The following EHD2 variants were observed in gnomAD, a reference collection of about 807,000 sequenced individuals.
EHD2 encodes EH domain containing 2, also known as EH domain-containing protein 2.
EHD2 carries 27 observed loss-of-function variants against 41.0 expected under a neutral mutation model. The observed-to-expected ratio is 0.66, with a 90% CI of 0.49 to 0.91. EHD2 has a LOEUF of 0.91. Ranked by LOEUF, EHD2 falls within the 40% of genes least tolerant of loss-of-function variation. The probability of loss-of-function intolerance (pLI) is 0.00; values close to 1 mark genes in which losing one functional copy is unlikely to be tolerated. For synonymous variants in EHD2, 342 were observed against 341.0 expected (o/e 1.00, Z -0.03); for missense variants, 673 against 773.9 (o/e 0.87, Z 1.55).
chr19:47,728,931 T>C (rs1288495111), intron 4 of EHD2, among the ~76,000 whole-genome samples: 1 of 152,240 alleles, frequency 6.6e-6, no homozygotes. Flanking sequence ...GAATTGGTGC[T>C]CTGTAAATAT....
rs1302476446 is a variant in EHD2, at chr19:47,719,356, A to T, written c.502+750A>T. ...GTCTGGGCCACAGATGGGGCCGAGA[A>T]GGGGATGGGAAGGGAATCTGGGTGG... is the stretch of plus-strand genomic sequence containing the variant. On this transcript the variant is annotated intron_variant, in intron 3 of 5. Coordinates refer to ENST00000263277, the MANE Select transcript of EHD2 (RefSeq NM_014601.4). The surrounding 1 kb of genome is among the most constrained non-coding windows in gnomAD (Gnocchi z 4.1). 1.3e-5 allele frequency among the ~76,000 whole-genome samples: 2 copies of T among 151,612 alleles called. No homozygotes were observed. The highest frequency in any genetic ancestry group is 4.8e-5 in the African/African-American group (2 of 41,338).
At chr19:47,735,613 A>T (rs1474766729) in intron 4 of EHD2, among the ~76,000 whole-genome samples, 1 of 151,738 alleles carries the variant, frequency 6.6e-6, no homozygotes, top group Non-Finnish European at 1.5e-5. Flanking sequence ...AAAAAAGAAA[A>T]AAAAGCAGGC....
chr19:47,720,928 G>A (rs1332476091), intron 3 of EHD2, among the ~76,000 whole-genome samples: 4 of 151,944 alleles, frequency 2.6e-5, no homozygotes, highest in African/African-American at 9.7e-5. Flanking sequence ...GGATTTGGGA[G>A]GGCATGGGAG....
At position 47,718,398 on chromosome 19, in the gene EHD2, G is replaced by A. The variant is rs182532905; in HGVS notation, c.405-111G>A. The stretch of plus-strand genomic sequence containing the variant: ...CTTTTTCTGTCCGGTGTCTTTCTTC[G>A]CCCATAAAGGATGCTTTGCCATGCG... On this transcript the variant is annotated intron_variant, in intron 2 of 5. Coordinates refer to ENST00000263277, the MANE Select transcript of EHD2 (RefSeq NM_014601.4). 1.9e-4 allele frequency: 160 copies of A among 855,616 alleles called. 1 individual carries two copies. In the African/African-American group the frequency reaches 2.6e-3, roughly 14 times the overall value. 53.0% of individuals were successfully genotyped at this position (855,616 alleles called of 1,614,324 possible).
At position 47,725,922 on chromosome 19, in the gene EHD2, G is replaced by C. The variant is rs763394764; in HGVS notation, c.613G>C (p.Gly205Arg). 48 of 1,613,792 alleles carry C rather than the reference G, an allele frequency of 3.0e-5. No homozygotes were observed. Among genetic ancestry groups the C allele is most frequent in the Non-Finnish European group, 3.7e-5 (44 of 1,179,876 alleles). The change falls in exon 4 of 6, where the codon GGC (glycine) becomes CGC (arginine). Residue 205 changes from glycine to arginine, a missense_variant. By Grantham distance (125) the Gly-to-Arg change is moderately radical. Transcript: ENST00000263277. ...EISDEFSEAI[G>R]ALRGHEDKIR... ...CTCGGACGAGTTCTCAGAGGCCATC[G>C]GCGCGTTGCGGGGCCATGAGGACAA...
At position 47,725,759 on chromosome 19, in the gene EHD2, G is replaced by T. The variant is rs577413598; in HGVS notation, c.503-53G>T. On this transcript the variant is annotated intron_variant, in intron 3 of 5. Transcript: ENST00000263277. ...GGATACTACTGAGAATGGCTGGAGG[G>T]TGGGGGTCTGATTTCTGCCCCTTGC... 223 of 1,534,144 alleles carry T rather than the reference G, an allele frequency of 1.5e-4. No individual in the cohort carries two copies. In the African/African-American group the frequency reaches 2.4e-3, roughly 17 times the overall value.
In EHD2 at chr19:47,741,452, C is replaced by T; in HGVS notation, c.*20C>T. The T allele has an allele frequency of 1.9e-6, 3 of 1,551,490 alleles. No homozygotes were observed. The highest frequency in any genetic ancestry group is 2.4e-5 in the East Asian group (1 of 42,044). On this transcript the variant is annotated 3_prime_UTR_variant, in exon 6 of 6. Coordinates refer to ENST00000263277, the MANE Select transcript of EHD2 (RefSeq NM_014601.4). This position sits in a 1 kb window ranked among gnomAD's most constrained non-coding sequence, Gnocchi z 4.5. ...GAGTGAGCCGGCCCCCCTCCCATGG[C>T]CCTGCTGTGGCTCCCCAGCTCCAGT...
At chr19:47,738,060 T>A (rs1479727975) in intron 5 of EHD2, among the ~76,000 whole-genome samples, 1 of 151,100 alleles carries the variant, frequency 6.6e-6, no homozygotes, top group Admixed American at 6.6e-5. Context: ...TTTCATACTT[T>A]TAGTAGAGAT....
Position 47,740,986 on chromosome 19 carries a change from C to T in EHD2, c.1186C>T (p.Leu396=). The T allele has an allele frequency of 1.2e-6, 2 of 1,611,958 alleles. No homozygotes were observed. Among genetic ancestry groups the T allele is most frequent in the Admixed American group, 1.7e-5 (1 of 59,910 alleles). Residue 396 remains leucine (L), a synonymous_variant, in exon 6 of 6, where the codon CTG becomes TTG. Transcript: ENST00000263277. ...GCACGACATCGCCAAGCTCATGCCC[C>T]TGCTGCGGCAGGAGGAGCTGGAGAG... ...LTHDIAKLMP[L]LRQEELESTE... is the part of the protein sequence containing the mutation.
chr19:47,742,265 T>TTCCTG lies in EHD2; in HGVS notation c.*843_*847dup, dbSNP rs1015190041. 3.5e-6 allele frequency: 1 copy of TTCCTG among 285,562 alleles called. No homozygotes were observed. The highest frequency in any genetic ancestry group is 6.7e-6 in the Non-Finnish European group (1 of 148,932). The allele number at this position is 285,562 out of a possible 1,614,324, so 17.7% of individuals were successfully genotyped here. On this transcript the variant is annotated 3_prime_UTR_variant, in exon 6 of 6. Transcript: ENST00000263277. ...CCAGTTCTGTCCACACCCCTTCCCT[T>TTCCTG]TCCTGTCCTGTCCTTTCTTTCTTTT... is the stretch of plus-strand genomic sequence containing the variant.
intron 1 of EHD2, among the ~76,000 whole-genome samples, chr19:47,716,302 A>G (rs927424015): frequency 2.7e-5 from 4 of 150,906 alleles, no homozygotes; most frequent in Non-Finnish European, 4.4e-5. Flanking sequence ...GTCTTCAACT[A>G]CTGACCTCAA....
chr19:47,723,653 GAA>G (rs11407002), intron 3 of EHD2, among the ~76,000 whole-genome samples: 1,324 of 71,342 alleles, frequency 0.019, 39 homozygotes, highest in African/African-American at 0.067. Context: ...GACTCCGTCT[GAA>G]AAAAAAAAAA....
intron 4 of EHD2, among the ~76,000 whole-genome samples, chr19:47,734,339 A>G (rs1402186190): frequency 4.6e-5 from 7 of 152,076 alleles, no homozygotes; most frequent in Non-Finnish European, 1.0e-4. Context: ...TGTCTAAAAA[A>G]AGCAAAAAAG....
intron 1 of EHD2, among the ~76,000 whole-genome samples, chr19:47,715,475 C>T (rs898254776): frequency 6.6e-6 from 1 of 152,130 alleles, no homozygotes; most frequent in African/African-American, 2.4e-5. Context: ...ATGCCCTCCT[C>T]TGGATGTCTG....
chr19:47,718,787 G>A (rs1358860745), intron 3 of EHD2, among the ~76,000 whole-genome samples, 181 bp downstream of exon 3: 1 of 145,608 alleles, frequency 6.9e-6, no homozygotes, highest in East Asian at 2.0e-4. Flanking sequence ...AGGGAGGAGG[G>A]GCTGGGCCCA....
At chr19:47,732,755 A>G (rs1460352456) in intron 4 of EHD2, among the ~76,000 whole-genome samples, 1 of 152,032 alleles carries the variant, frequency 6.6e-6, no homozygotes, top group African/African-American at 2.4e-5. Context: ...ACCAATATTC[A>G]TTATTCTGCT....
intron 1 of EHD2, among the ~76,000 whole-genome samples, chr19:47,714,654 G>C (rs1042637184): frequency 6.6e-6 from 1 of 152,136 alleles, no homozygotes; most frequent in East Asian, 1.9e-4. Context: ...CAGGCTGCCT[G>C]TGTTTGAGTC....
At chr19:47,730,207 TG>T (rs1973794257) in intron 4 of EHD2, among the ~76,000 whole-genome samples, 1 of 131,708 alleles carries the variant, frequency 7.6e-6, no homozygotes, top group Non-Finnish European at 1.6e-5. Flanking sequence ...CACCTTCCCC[TG>T]CTTCCTCTCT....
In EHD2 at chr19:47,716,606, A is replaced by C; in HGVS notation, c.-7A>C. On this transcript the variant is annotated 5_prime_UTR_variant, in exon 2 of 6. Coordinates refer to ENST00000263277, the MANE Select transcript of EHD2 (RefSeq NM_014601.4). Reference sequence around the variant, plus strand: ...TCCGTGAACCCCGTGAGCGGTGTGCAGCCACCATGTTCAGCTGGCTGAAGC... The same window carrying C: ...TCCGTGAACCCCGTGAGCGGTGTGCCGCCACCATGTTCAGCTGGCTGAAGC... The C allele has an allele frequency of 6.6e-7, 1 of 1,511,642 alleles. No individual in the cohort carries two copies. The highest frequency in any genetic ancestry group is 8.8e-7 in the Non-Finnish European group (1 of 1,131,868). 93.6% of individuals were successfully genotyped at this position (1,511,642 alleles called of 1,614,324 possible).
Sources: allele counts gnomAD v4.1 joint callset (sites outside exome capture counted in the v4.1 genomes callset), GRCh38; gene constraint gnomAD v4.1.1; non-coding constraint Gnocchi (gnomAD v3.1); transcripts MANE v1.5; gene names NCBI Gene and HGNC (gene_info 2026-07-23, HGNC 2026-07-21).